Variants in SGCZ observed in about 807,000 individuals in gnomAD.
SGCZ encodes the protein zeta-sarcoglycan.
In SGCZ, 40 loss-of-function variants were observed where a neutral mutation model predicts 41.3. The observed-to-expected ratio is 0.97, with a 90% CI of 0.75 to 1.26. The LOEUF is 1.26. Among genes scored for constraint, SGCZ ranks in the 50% most tolerant of loss-of-function variants. SGCZ has a pLI of 0.00. For missense variants in SGCZ, 552 were observed against 369.8 expected (o/e 1.49, Z -4.04); for synonymous variants, 206 against 137.5 (o/e 1.50, Z -3.49).
At chr8:14,699,905 T>C (rs2117593944) in intron 1 of SGCZ, among the ~76,000 whole-genome samples, 1 of 152,124 alleles carries the variant, frequency 6.6e-6, no homozygotes, top group Admixed American at 6.6e-5. Flanking sequence ...TACAGTGAGA[T>C]ACCACCTCAC....
intron 1 of SGCZ, among the ~76,000 whole-genome samples, chr8:15,110,456 G>T (rs1165199656): frequency 6.6e-6 from 1 of 152,176 alleles, no homozygotes; most frequent in Non-Finnish European, 1.5e-5. Context: ...TAAATTACAT[G>T]GTTTCTAGCA....
chr8:14,424,494 G>A (rs943790880), intron 2 of SGCZ, among the ~76,000 whole-genome samples: 2 of 152,072 alleles, frequency 1.3e-5, no homozygotes, highest in African/African-American at 2.4e-5. Context: ...TTCTCTGTGA[G>A]TATATTGCAA....
chr8:14,347,052 T>G (rs1585390939), intron 2 of SGCZ, among the ~76,000 whole-genome samples: 1 of 152,112 alleles, frequency 6.6e-6, no homozygotes, highest in Non-Finnish European at 1.5e-5. Flanking sequence ...CTGTCCTTAA[T>G]CAGCCATAGA....
chr8:14,497,229 A>G (rs761426723), intron 2 of SGCZ, among the ~76,000 whole-genome samples: 1 of 152,172 alleles, frequency 6.6e-6, no homozygotes, highest in Non-Finnish European at 1.5e-5. Flanking sequence ...CAAGCTGTAC[A>G]GGGAGCATGG....
intron 2 of SGCZ, among the ~76,000 whole-genome samples, chr8:14,468,615 G>A (rs1180438470): frequency 2.0e-5 from 3 of 152,048 alleles, no homozygotes; most frequent in African/African-American, 7.2e-5. Flanking sequence ...TGAGTTAAAT[G>A]AGGATTTAAA....
At chr8:14,741,474 A>T (rs1799196300) in intron 1 of SGCZ, among the ~76,000 whole-genome samples, 1 of 152,074 alleles carries the variant, frequency 6.6e-6, no homozygotes, top group African/African-American at 2.4e-5. Context: ...GATAAGCATT[A>T]AATTTTTCCA....
At chr8:14,244,979 T>G (rs62500175) in intron 3 of SGCZ, among the ~76,000 whole-genome samples, 5,747 of 152,194 alleles carry the variant, frequency 0.038, 169 homozygotes, top group East Asian at 0.11. Flanking sequence ...CTTATCAGCT[T>G]AAGGAGATTT....
intron 1 of SGCZ, among the ~76,000 whole-genome samples, chr8:14,684,563 G>A (rs1585180739): frequency 6.6e-6 from 1 of 152,222 alleles, no homozygotes; most frequent in East Asian, 1.9e-4. Flanking sequence ...TAAACATGTT[G>A]TAGCAGATTA....
At chr8:14,532,955 C>T (rs918651594) in intron 2 of SGCZ, among the ~76,000 whole-genome samples, 10 of 151,796 alleles carry the variant, frequency 6.6e-5, no homozygotes, top group African/African-American at 2.4e-4. Flanking sequence ...AGCAAGCAGA[C>T]CAAATACATT....
intron 1 of SGCZ, among the ~76,000 whole-genome samples, chr8:14,990,368 G>T (rs1037468057): frequency 6.9e-6 from 1 of 144,302 alleles, no homozygotes; most frequent in Non-Finnish European, 1.6e-5. Context: ...GAACCAGGCC[G>T]CATAGGAGCT....
At chr8:14,838,095 A>T (rs922762651) in intron 1 of SGCZ, among the ~76,000 whole-genome samples, 4 of 152,182 alleles carry the variant, frequency 2.6e-5, no homozygotes, top group Admixed American at 2.6e-4. Flanking sequence ...AGGCACAGAA[A>T]GTTAAATCTC....
intron 1 of SGCZ, among the ~76,000 whole-genome samples, chr8:14,975,731 A>T (rs1379662768): frequency 6.6e-6 from 1 of 151,556 alleles, no homozygotes; most frequent in African/African-American, 2.4e-5. Context: ...CTCTTACGAA[A>T]TAGTATGTTT....
intron 7 of SGCZ, among the ~76,000 whole-genome samples, chr8:14,094,674 T>A (rs1004599054): frequency 6.6e-6 from 1 of 152,160 alleles, no homozygotes; most frequent in Admixed American, 6.6e-5. Context: ...ATGGGTCAAA[T>A]GGTATTCCTG....
intron 1 of SGCZ, among the ~76,000 whole-genome samples, chr8:14,816,352 A>G (rs149972891): frequency 6.6e-6 from 1 of 152,322 alleles, no homozygotes; most frequent in African/African-American, 2.4e-5. Flanking sequence ...CTTTTACAAC[A>G]CTTTGACAAT....
intron 2 of SGCZ, among the ~76,000 whole-genome samples, chr8:14,507,721 G>A (rs1802345165): frequency 6.6e-6 from 1 of 151,112 alleles, no homozygotes; most frequent in Admixed American, 6.6e-5. Flanking sequence ...ACTTCTTTTA[G>A]GTTTTAATTT....
chr8:14,426,879 CAAAT>C (rs1799797482), intron 2 of SGCZ, among the ~76,000 whole-genome samples: 1 of 152,052 alleles, frequency 6.6e-6, no homozygotes, highest in African/African-American at 2.4e-5. Context: ...TGTCTAAGAT[CAAAT>C]AAAGTTTTCA....
intron 1 of SGCZ, among the ~76,000 whole-genome samples, chr8:15,211,031 A>ATATAGT (rs1393831364): frequency 8.4e-5 from 1 of 11,926 alleles, no homozygotes; most frequent in Non-Finnish European, 3.9e-4. Flanking sequence ...ATATATACAT[A>ATATAGT]TATAGATATA....
chr8:14,981,597 T>C (rs77506044), intron 1 of SGCZ, among the ~76,000 whole-genome samples: 3,120 of 152,278 alleles, frequency 0.02, 82 homozygotes, highest in South Asian at 0.12. Context: ...TTCTCTTCTA[T>C]CCCAACTTAA....
rs1799386306 is a variant in SGCZ, at chr8:14,254,241, A to G, written c.337-16562T>C. Among the ~76,000 whole-genome samples the G allele has an allele frequency of 2.0e-5, 3 of 152,204 alleles. No homozygotes were observed. The South Asian group carries it at 6.2e-4, about 32-fold the overall frequency. On this transcript the variant is annotated intron_variant, in intron 3 of 7. Transcript: ENST00000382080. ...GCAGAATAAAAATGTTACATTATAA[A>G]ATTTTCATTGCCTGATAAAAGAAAG...
Sources: gnomAD v4.1 joint callset for allele counts (sites outside exome capture counted in the v4.1 genomes callset) on GRCh38, gnomAD v4.1.1 for gene constraint, MANE v1.5 for transcripts, NCBI Gene and HGNC (gene_info 2026-07-23, HGNC 2026-07-21) for gene names.